The following C8orf34 variants were observed in gnomAD, a reference collection of about 807,000 sequenced individuals.
The protein encoded by C8orf34 is chromosome 8 open reading frame 34, also known as uncharacterized protein C8orf34.
C8orf34 carries 65 observed loss-of-function variants against 68.3 expected under a neutral mutation model. The observed-to-expected ratio is 0.95, with a 90% confidence interval of 0.78 to 1.17. The LOEUF (loss-of-function observed/expected upper bound fraction) is 1.17, where lower values mean the gene tolerates loss of function less well. Among genes scored for constraint, C8orf34 ranks in the 50% most tolerant of loss-of-function variants. The pLI is 0.00. For synonymous variants in C8orf34, 244 were observed against 241.2 expected, an observed-to-expected ratio of 1.01 and a Z score of -0.11; for missense variants, 664 against 655.4, an observed-to-expected ratio of 1.01 and a Z score of -0.14.
chr8:68,557,000 C>T (rs553257552), intron 7 of C8orf34, among the ~76,000 whole-genome samples: 2 of 152,278 alleles, frequency 1.3e-5, no homozygotes, highest in Middle Eastern at 3.4e-3. Context: ...TCTGAGTCTA[C>T]TTACAGACCA....
At chr8:68,645,706 G>C (rs1331875528) in intron 8 of C8orf34, among the ~76,000 whole-genome samples, 2 of 152,130 alleles carry the variant, frequency 1.3e-5, no homozygotes. Flanking sequence ...TCTTGATATA[G>C]AATCAATAAG....
chr8:68,521,964 G>C lies in C8orf34; in HGVS notation c.931G>C (p.Ala311Pro), dbSNP rs1257855543. ...WESEDSGSSP[A>P]GSLKMEPKNK... The stretch of plus-strand genomic sequence containing the variant: ...AAGTGAAGATAGTGGCTCTAGTCCT[G>C]CAGGAAGGTGAGATGAGCTGTCTGC... The change falls in exon 6 of 14, where the codon GCA (alanine) becomes CCA (proline). Residue 311 changes from alanine to proline, a missense_variant. By Grantham distance (27) the Ala-to-Pro change is conservative (BLOSUM62 -1). Coordinates refer to ENST00000518698, the MANE Select transcript of C8orf34 (RefSeq NM_052958.4). 2 of 1,613,504 alleles carry C rather than the reference G, an allele frequency of 1.2e-6. No homozygotes were observed. The highest frequency in any genetic ancestry group is 2.7e-5 in the African/African-American group (2 of 74,912).
intron 8 of C8orf34, among the ~76,000 whole-genome samples, chr8:68,651,978 G>C (rs1268283041): frequency 5.3e-5 from 8 of 152,218 alleles, no homozygotes; most frequent in Non-Finnish European, 1.5e-5. Flanking sequence ...TAACCTTCCA[G>C]TGGGTGCTAA....
At chr8:68,640,267 T>C (rs1372112596) in intron 7 of C8orf34, 109 bp from the exon 8 acceptor site, 2 of 936,780 alleles carry the variant, frequency 2.1e-6, no homozygotes, top group Non-Finnish European at 1.6e-6. Flanking sequence ...AAAGGGGATA[T>C]ATATTGTTTT....
intron 8 of C8orf34, among the ~76,000 whole-genome samples, chr8:68,687,868 C>G (rs1397094339): frequency 6.6e-6 from 1 of 152,028 alleles, no homozygotes; most frequent in Non-Finnish European, 1.5e-5. Context: ...ATGCATCTGA[C>G]AAAGGACTAG....
chr8:68,736,838 T>C (rs1258135005), intron 10 of C8orf34, among the ~76,000 whole-genome samples: 1 of 152,144 alleles, frequency 6.6e-6, no homozygotes, highest in Non-Finnish European at 1.5e-5. Context: ...TTCTTTTAAC[T>C]GCACTTAAAG....
chr8:68,388,492 T>C (rs1257067568), intron 1 of C8orf34, among the ~76,000 whole-genome samples: 1 of 152,136 alleles, frequency 6.6e-6, no homozygotes, highest in Non-Finnish European at 1.5e-5. Context: ...AAATCTCCTA[T>C]TAGTCTTAAG....
At chr8:68,510,753 T>C (rs1470239028) in intron 5 of C8orf34, among the ~76,000 whole-genome samples, 3 of 152,204 alleles carry the variant, frequency 2.0e-5, no homozygotes, top group Non-Finnish European at 1.5e-5. Flanking sequence ...GCCTTTTGGA[T>C]TGGCTTTGAG....
chr8:68,639,032 A>G (rs1474009163), intron 7 of C8orf34, among the ~76,000 whole-genome samples: 1 of 152,092 alleles, frequency 6.6e-6, no homozygotes, highest in African/African-American at 2.4e-5. Context: ...AGAGGAAGAG[A>G]GTAACAGACT....
intron 1 of C8orf34, among the ~76,000 whole-genome samples, chr8:68,374,423 A>C (rs201034180): frequency 6.6e-6 from 1 of 152,108 alleles, no homozygotes; most frequent in Non-Finnish European, 1.5e-5. Flanking sequence ...GTAGGTGCAA[A>C]TTAATTTTAT....
chr8:68,337,951 T>A (rs1176301621), intron 1 of C8orf34, among the ~76,000 whole-genome samples: 1 of 152,158 alleles, frequency 6.6e-6, no homozygotes, highest in African/African-American at 2.4e-5. Context: ...GGAGACACTT[T>A]CTCCTTTGTG....
chr8:68,456,157 G>A (rs1811542591), intron 3 of C8orf34, among the ~76,000 whole-genome samples: 1 of 151,534 alleles, frequency 6.6e-6, no homozygotes, highest in Non-Finnish European at 1.5e-5. Flanking sequence ...TCGGGAGGCT[G>A]AGGCAGGAGA....
intron 1 of C8orf34, among the ~76,000 whole-genome samples, chr8:68,427,337 C>A (rs549497374): frequency 6.6e-6 from 1 of 152,142 alleles, no homozygotes; most frequent in African/African-American, 2.4e-5. Context: ...TATGGTACAC[C>A]TATATCATGA....
chr8:68,613,248 G>A (rs970351032), intron 7 of C8orf34, among the ~76,000 whole-genome samples: 2 of 152,030 alleles, frequency 1.3e-5, no homozygotes, highest in African/African-American at 2.4e-5. Flanking sequence ...AATTTATCTT[G>A]TGGAGAAGAC....
At chr8:68,510,494 C>A (rs1814219276) in intron 5 of C8orf34, among the ~76,000 whole-genome samples, 1 of 152,142 alleles carries the variant, frequency 6.6e-6, no homozygotes, top group African/African-American at 2.4e-5. Context: ...CCAGAGATTG[C>A]TGGTTGGTTC....
chr8:68,674,759 A>G (rs183796780), intron 8 of C8orf34, among the ~76,000 whole-genome samples: 38 of 152,262 alleles, frequency 2.5e-4, no homozygotes, highest in Non-Finnish European at 3.8e-4. Context: ...TTTCAAACCT[A>G]GATAAAGATA....
chr8:68,723,309 T>C (rs1168769219), intron 10 of C8orf34, among the ~76,000 whole-genome samples: 1 of 152,094 alleles, frequency 6.6e-6, no homozygotes, highest in East Asian at 1.9e-4. Flanking sequence ...ACTTAAATTT[T>C]TAAGTCAAAG....
intron 10 of C8orf34, among the ~76,000 whole-genome samples, chr8:68,750,318 G>C (rs369107480): frequency 4.6e-5 from 7 of 152,128 alleles, no homozygotes; most frequent in African/African-American, 1.7e-4. Context: ...GAAGAACATT[G>C]AAAACATTAC....
chr8:68,743,890 A>T (rs1319965871), intron 10 of C8orf34, among the ~76,000 whole-genome samples: 3 of 152,256 alleles, frequency 2.0e-5, no homozygotes, highest in African/African-American at 7.2e-5. Flanking sequence ...CCACAGCTCA[A>T]GGAGGCCTGC....
Sources: allele counts gnomAD v4.1 joint callset (sites outside exome capture counted in the v4.1 genomes callset), GRCh38; gene constraint gnomAD v4.1.1; transcripts MANE v1.5; gene names NCBI Gene and HGNC (gene_info 2026-07-23, HGNC 2026-07-21).